FBXO36: variants seen among roughly 807,000 people sequenced by gnomAD.
FBXO36 encodes F-box protein 36.
FBXO36 carries 18 observed loss-of-function variants against 17.0 expected under a neutral mutation model. The observed-to-expected ratio is 1.06, with a 90% CI of 0.73 to 1.57. The LOEUF is 1.57. FBXO36 is among the 40% of genes most tolerant of loss of function. The pLI is 0.00. For synonymous variants in FBXO36, 83 were observed against 85.3 expected (o/e 0.97, Z 0.15); for missense variants, 229 against 221.9 (o/e 1.03, Z -0.20).
intron 1 of FBXO36, chr2:229,939,247 A>G (rs111555191): frequency 3.8e-5 from 37 of 985,046 alleles, no homozygotes; most frequent in Non-Finnish European, 4.1e-5. Context: ...ACCTCGTAAT[A>G]ATGTTTCAAG....
chr2:229,960,366 G>A (rs1373093342), intron 1 of FBXO36, among the ~76,000 whole-genome samples: 1 of 152,006 alleles, frequency 6.6e-6, no homozygotes. Context: ...TTTTTGTAGA[G>A]GTGGGGTGAG....
Position 229,996,919 on chromosome 2 carries a change from C to T in FBXO36, c.374C>T (p.Ala125Val), listed in dbSNP as rs1254881487. The change falls in exon 3 of 4, where the codon GCA becomes GTA. Residue 125 changes from alanine to valine, a missense_variant. Coordinates refer to ENST00000283946, the MANE Select transcript of FBXO36 (RefSeq NM_174899.5). The stretch of plus-strand genomic sequence containing the variant: ...CTTTGTCAAACATCACACAGATTTG[C>T]AAAGGTAACGGTCAATTATTTTATG... ...ARLCQTSHRF[A>V]KLCMSDKLWE... 6.2e-7 allele frequency: 1 copy of T among 1,611,668 alleles called. No homozygotes were observed. Among genetic ancestry groups the T allele is most frequent in the South Asian group, 1.1e-5 (1 of 90,154 alleles).
At chr2:229,999,214 C>A (rs2077344519) in intron 3 of FBXO36, among the ~76,000 whole-genome samples, 1 of 150,574 alleles carries the variant, frequency 6.6e-6, no homozygotes, top group African/African-American at 2.4e-5. Context: ...GCAACCTCCG[C>A]CTATTGGGTT....
chr2:229,933,979 C>T (rs1236473549), intron 1 of FBXO36, among the ~76,000 whole-genome samples: 1 of 151,710 alleles, frequency 6.6e-6, no homozygotes, highest in Admixed American at 6.6e-5. Flanking sequence ...AGTCACCGTG[C>T]CCAGCCCCCC....
intron 1 of FBXO36, among the ~76,000 whole-genome samples, chr2:229,958,747 T>G (rs909421019): frequency 6.6e-6 from 1 of 152,202 alleles, no homozygotes; most frequent in African/African-American, 2.4e-5. Context: ...GGATCTGAGC[T>G]TCTTCCCATA....
In FBXO36 at chr2:230,013,039, G is replaced by A. The variant is rs1182998104; in HGVS notation, c.*2155G>A. 1 of 151,152 alleles carries A rather than the reference G, an allele frequency of 6.6e-6. No individual in the cohort carries two copies. Among genetic ancestry groups the A allele is most frequent in the Non-Finnish European group, 1.5e-5 (1 of 67,746 alleles). The allele number at this position is 151,152 out of a possible 1,614,324, so 9.4% of individuals were successfully genotyped here. A position where few individuals can be genotyped will look rare whatever the true frequency, so the allele number is the denominator to read the frequency against. ...AAATGCTAAAGTAAATAAAAAAAGA[G>A]CCATTAATATGTTAACTATTGTTAA... On this transcript the variant is annotated 3_prime_UTR_variant, in exon 4 of 4. Coordinates refer to ENST00000283946, the MANE Select transcript of FBXO36 (RefSeq NM_174899.5).
At chr2:229,984,206 G>A (rs1029479974) in intron 2 of FBXO36, among the ~76,000 whole-genome samples, 1 of 151,374 alleles carries the variant, frequency 6.6e-6, no homozygotes, top group Non-Finnish European at 1.5e-5. Context: ...AAATCAGCTG[G>A]GCATGGTGGC....
At position 229,983,375 on chromosome 2, in the gene FBXO36, CA is replaced by C. The variant is rs144045262; in HGVS notation, c.205+7036del. ...GGGCAACAAGAGCAAAACTCCATCT[CA>C]AAAAAAAAACAAAAACAAACAAAAC... On this transcript the variant is annotated intron_variant, in intron 2 of 3. Transcript: ENST00000283946. 5.4e-5 allele frequency among the ~76,000 whole-genome samples: 8 copies of C among 147,872 alleles called. No individual in the cohort carries two copies. The East Asian group carries it at 5.9e-4, about 11-fold the overall frequency.
At chr2:229,959,478 G>A in intron 1 of FBXO36, among the ~76,000 whole-genome samples, 1 of 152,152 alleles carries the variant, frequency 6.6e-6, no homozygotes, top group East Asian at 1.9e-4. Context: ...TTTATGCATG[G>A]TGAGGAGAAA....
At chr2:229,935,858 C>A (rs1366377212) in intron 1 of FBXO36, among the ~76,000 whole-genome samples, 1 of 152,168 alleles carries the variant, frequency 6.6e-6, no homozygotes, top group African/African-American at 2.4e-5. Context: ...ATGTAGTCTG[C>A]CCTCATGGAG....
intron 1 of FBXO36, among the ~76,000 whole-genome samples, chr2:229,924,003 C>CAA: frequency 6.6e-6 from 1 of 151,804 alleles, no homozygotes; most frequent in East Asian, 1.9e-4. Flanking sequence ...CTCGGCCTCC[C>CAA]AAAGTGCTGG....
At chr2:229,929,253 A>G (rs1401825264) in intron 1 of FBXO36, among the ~76,000 whole-genome samples, 2 of 151,924 alleles carry the variant, frequency 1.3e-5, no homozygotes, top group African/African-American at 4.8e-5. Flanking sequence ...TTTTAATATA[A>G]GTAATAATTA....
At chr2:229,989,727 A>ATTTTT (rs11313146) in intron 2 of FBXO36, among the ~76,000 whole-genome samples, 4 of 120,882 alleles carry the variant, frequency 3.3e-5, no homozygotes, top group African/African-American at 3.1e-5. Context: ...CGCCTGGCTA[A>ATTTTT]TTTTTTTTTT....
chr2:229,980,865 C>T (rs1252034215), intron 2 of FBXO36, among the ~76,000 whole-genome samples: 2 of 152,012 alleles, frequency 1.3e-5, no homozygotes, highest in African/African-American at 2.4e-5. Flanking sequence ...GGTGGTTTCC[C>T]GCCAGCAGCA....
At chr2:229,941,314 GT>G in intron 1 of FBXO36, among the ~76,000 whole-genome samples, 1 of 152,112 alleles carries the variant, frequency 6.6e-6, no homozygotes, top group Non-Finnish European at 1.5e-5. Flanking sequence ...AATTAGCTGG[GT>G]GTGGTGGCAC....
intron 1 of FBXO36, chr2:229,943,053 A>G (rs935367239): frequency 1.3e-5 from 2 of 152,266 alleles, no homozygotes; most frequent in African/African-American, 4.8e-5. Context: ...ATCCAAGCCA[A>G]TGAGATGCTT....
At chr2:229,932,177 C>T (rs1464191460) in intron 1 of FBXO36, among the ~76,000 whole-genome samples, 1 of 151,968 alleles carries the variant, frequency 6.6e-6, no homozygotes, top group Admixed American at 6.6e-5. Context: ...GTCAGGAGTT[C>T]GAGACCAGCC....
At chr2:229,925,467 A>C (rs1004534096) in intron 1 of FBXO36, among the ~76,000 whole-genome samples, 5 of 152,216 alleles carry the variant, frequency 3.3e-5, no homozygotes, top group African/African-American at 1.2e-4. Flanking sequence ...ACTAGCATTA[A>C]AATATGTTTT....
At chr2:229,939,725 A>G (rs1560433188) in intron 1 of FBXO36, among the ~76,000 whole-genome samples, 1 of 152,186 alleles carries the variant, frequency 6.6e-6, no homozygotes, top group Non-Finnish European at 1.5e-5. Flanking sequence ...TGGTTCCCCA[A>G]GGCTCCCTCT....
Sources: allele counts gnomAD v4.1 joint callset (sites outside exome capture counted in the v4.1 genomes callset), GRCh38; gene constraint gnomAD v4.1.1; transcripts MANE v1.5; gene names NCBI Gene and HGNC (gene_info 2026-07-23, HGNC 2026-07-21).